The following CIITA variants were observed in gnomAD, a reference collection of about 807,000 sequenced individuals.
CIITA encodes the protein class II major histocompatibility complex transactivator, also known as MHC class II transactivator.
CIITA carries 72 observed loss-of-function variants against 115.1 expected under a neutral mutation model. The ratio of observed to expected loss-of-function variants is 0.63; its 90% confidence interval spans 0.52 to 0.76. The LOEUF (loss-of-function observed/expected upper bound fraction) is 0.76, where lower values mean the gene tolerates loss of function less well. CIITA is among the 30% of genes least tolerant of loss of function. The pLI, the probability that CIITA is intolerant of heterozygous loss-of-function variation, is 0.00. For missense variants in CIITA, 1,617 were observed against 1,463.8 expected, an observed-to-expected ratio of 1.10 and a Z score of -1.71; for synonymous variants, 763 against 635.6, an observed-to-expected ratio of 1.20 and a Z score of -3.02.
chr16:10,900,624 C>G (rs1055439382), intron 5 of CIITA, among the ~76,000 whole-genome samples: 2 of 151,932 alleles, frequency 1.3e-5, no homozygotes, highest in Admixed American at 6.6e-5. Flanking sequence ...CCTGTAATCC[C>G]AGCTACCAGG....
chr16:10,898,770 T>C, intron 4 of CIITA, 38 bp downstream of exon 4: 1 of 1,610,244 alleles, frequency 6.2e-7, no homozygotes, highest in Non-Finnish European at 8.5e-7. Flanking sequence ...TGGCTCAGCC[T>C]GCATTTCCTG....
At chr16:10,884,803 CTGCTCCTTCTCTG>C (rs1003789709) in intron 1 of CIITA, among the ~76,000 whole-genome samples, 6 of 152,186 alleles carry the variant, frequency 3.9e-5, no homozygotes, top group Non-Finnish European at 8.8e-5. Context: ...TTAGTGCTTC[CTGCTCCTTCTCTG>C]TGTGGAACTG....
chr16:10,941,455 G>C lies in CIITA; in HGVS notation n.581G>C. On this transcript the variant is annotated non_coding_transcript_exon_variant, in exon 2 of 2. Coordinates refer to the CIITA transcript ENST00000573379. The surrounding 1 kb of genome is among the most constrained non-coding windows in gnomAD (Gnocchi z 6.4). ...TTCCTGGCATCCAGTTAGACCTGGA[G>C]GAGGTGAACGGAGGAGAAGCCTGAG... 1 of 1,069,310 alleles carries C rather than the reference G, an allele frequency of 9.4e-7. No individual in the cohort carries two copies. Among genetic ancestry groups the C allele is most frequent in the Non-Finnish European group, 1.2e-6 (1 of 816,790 alleles). The allele number at this position is 1,069,310 out of a possible 1,614,324, so 66.2% of individuals were successfully genotyped here. A position where few individuals can be genotyped will look rare whatever the true frequency, so the allele number is the denominator to read the frequency against.
chr16:10,933,694 C>A lies in CIITA; in HGVS notation c.*9839C>A, dbSNP rs1275336678. ...GGTAGAAACCAATACCGGCAGGGAACCTTCTCAAGGCTAGGGGCCTTCTGA... is the reference window on the plus strand; with the variant it reads ...GGTAGAAACCAATACCGGCAGGGAAACTTCTCAAGGCTAGGGGCCTTCTGA... On this transcript the variant is annotated 3_prime_UTR_variant, in exon 20 of 20. Coordinates refer to ENST00000324288, the MANE Select transcript of CIITA (RefSeq NM_000246.4). 1.3e-5 allele frequency: 2 copies of A among 152,346 alleles called. No homozygotes were observed. Among genetic ancestry groups the A allele is most frequent in the East Asian group, 1.9e-4 (1 of 5,202 alleles). The allele number at this position is 152,346 out of a possible 1,614,324, so 9.4% of individuals were successfully genotyped here.
chr16:10,892,740 G>A (rs1013864454), intron 1 of CIITA, among the ~76,000 whole-genome samples: 2 of 152,044 alleles, frequency 1.3e-5, no homozygotes, highest in Non-Finnish European at 2.9e-5. Flanking sequence ...CAAGACCAGC[G>A]TGGCCAACAT....
intron 1 of CIITA, among the ~76,000 whole-genome samples, chr16:10,878,108 A>G (rs530965664): frequency 2.0e-5 from 3 of 152,272 alleles, no homozygotes; most frequent in Admixed American, 1.3e-4. Flanking sequence ...ACAGTGTCCA[A>G]TATTTTATAG....
At position 10,942,043 on chromosome 16, in the gene CIITA, CG is replaced by C; in HGVS notation, n.1170del. On this transcript the variant is annotated non_coding_transcript_exon_variant, in exon 2 of 2. Coordinates refer to the CIITA transcript ENST00000573379. The surrounding 1 kb of genome is among the most constrained non-coding windows in gnomAD (Gnocchi z 5.0). ...AAGGGCGGCGGCCCGGCGATCCCGGCGAACTCAGCCGCTGCGGCGCCCGGGC... is the reference window on the plus strand; with the variant it reads ...AAGGGCGGCGGCCCGGCGATCCCGGCAACTCAGCCGCTGCGGCGCCCGGGC... 10 of 1,350,078 alleles carry C rather than the reference CG, an allele frequency of 7.4e-6. No individual in the cohort carries two copies. The highest frequency in any genetic ancestry group is 9.5e-6 in the Non-Finnish European group (10 of 1,054,228). The allele number at this position is 1,350,078 out of a possible 1,614,324, so 83.6% of individuals were successfully genotyped here.
At chr16:10,911,839 C>T (rs1023435021) in intron 13 of CIITA, among the ~76,000 whole-genome samples, 1 of 152,138 alleles carries the variant, frequency 6.6e-6, no homozygotes, top group East Asian at 1.9e-4. Flanking sequence ...GTGCGAGCTC[C>T]CGCACCTGGC....
chr16:10,867,931 T>A (rs549307319), intron 1 of CIITA, among the ~76,000 whole-genome samples: 34 of 152,070 alleles, frequency 2.2e-4, no homozygotes, highest in South Asian at 8.3e-4. Flanking sequence ...AATTTTTTTT[T>A]AATTATTTTT....
chr16:10,937,032 G>C (rs949773214), downstream of CIITA: 1 of 152,244 alleles, frequency 6.6e-6, no homozygotes, highest in African/African-American at 2.4e-5. This position sits in a 1 kb window ranked among gnomAD's most constrained non-coding sequence, Gnocchi z 4.2. Flanking sequence ...TTTCTTGGCT[G>C]AAATCTCCAG....
chr16:10,891,844 C>A (rs2037615966), intron 1 of CIITA, among the ~76,000 whole-genome samples: 1 of 152,196 alleles, frequency 6.6e-6, no homozygotes, highest in African/African-American at 2.4e-5. Context: ...TTCCTCTAGT[C>A]ATGGTTGGCT....
rs376456953 is a variant in CIITA at position 10,907,970 on chromosome 16, A to G, written c.2478A>G (p.Val826=). The G allele has an allele frequency of 1.2e-4, 186 of 1,579,952 alleles. No homozygotes were observed. The highest frequency in any genetic ancestry group is 1.5e-4 in the Non-Finnish European group (177 of 1,162,006). Residue 826 remains valine (V), a synonymous_variant, in exon 11 of 20, where the codon GTA becomes GTG. Coordinates refer to ENST00000324288, the MANE Select transcript of CIITA (RefSeq NM_000246.4). This position sits in a 1 kb window ranked among gnomAD's most constrained non-coding sequence, Gnocchi z 5.0. ...AGGCTGGAATTTGGCAGCACGTGGTACAGGAGCTCCCCGGCCGCCTCTCTT... is the reference window on the plus strand; with the variant it reads ...AGGCTGGAATTTGGCAGCACGTGGTGCAGGAGCTCCCCGGCCGCCTCTCTT... ...AEEAGIWQHV[V]QELPGRLSFL...
chr16:10,902,072 A>T lies in CIITA; in HGVS notation c.516A>T (p.Leu172=). ...CCACTGTGGTGACTGGCAGTCTCCT[A>T]GTGGGACCAGTGAGCGACTGCTCCA... ...EPPTVVTGSL[L]VGPVSDCSTL... is the part of the protein sequence containing the mutation. Residue 172 remains leucine, a synonymous_variant, in exon 7 of 20, where the codon CTA becomes CTT. Transcript: ENST00000324288. 6.2e-7 allele frequency: 1 copy of T among 1,614,132 alleles called. No individual in the cohort carries two copies. The highest frequency in any genetic ancestry group is 1.1e-5 in the South Asian group (1 of 91,084).
intron 16 of CIITA, 93 bp from the exon 17 acceptor site, chr16:10,922,074 C>T: frequency 2.6e-6 from 3 of 1,135,552 alleles, no homozygotes; most frequent in South Asian, 2.5e-5. Flanking sequence ...GATAGTGGGA[C>T]CAGGCTTTTT....
Position 10,907,175 on chromosome 16 carries a change from C to G in CIITA, c.1683C>G (p.Asp561Glu). 1.2e-6 allele frequency: 2 copies of G among 1,613,352 alleles called. No individual in the cohort carries two copies. The highest frequency in any genetic ancestry group is 1.7e-6 in the Non-Finnish European group (2 of 1,179,916). The change falls in exon 11 of 20, where the codon GAC (aspartate) becomes GAG (glutamate). Residue 561 changes from aspartate (D) to glutamate (E), a missense_variant. Transcript: ENST00000324288. This position sits in a 1 kb window ranked among gnomAD's most constrained non-coding sequence, Gnocchi z 5.0. Reference sequence around the variant, plus strand: ...TGGTCCAGAGCCTGAGCAAGGCCGACGCCCTATTTGAGCTGTCCGGCTTCT... The same window carrying G: ...TGGTCCAGAGCCTGAGCAAGGCCGAGGCCCTATTTGAGCTGTCCGGCTTCT... ...GRLVQSLSKA[D>E]ALFELSGFSM...
At chr16:10,900,946 T>C (rs12920545) in intron 5 of CIITA, among the ~76,000 whole-genome samples, 16,872 of 152,210 alleles carry the variant, frequency 0.11, 1,073 homozygotes, top group Non-Finnish European at 0.14. Context: ...ACATTTCAAA[T>C]GTAAATTGCA....
intron 14 of CIITA, among the ~76,000 whole-genome samples, 158 bp downstream of exon 14, chr16:10,915,808 T>C (rs1359394094): frequency 6.6e-6 from 1 of 152,204 alleles, no homozygotes; most frequent in Non-Finnish European, 1.5e-5. Context: ...CCCAGCAACC[T>C]CTGGGTTTTG....
Position 10,902,786 on chromosome 16 carries a change from A to G in CIITA, c.757A>G (p.Ile253Val). ...TGAGGCTGGAACAGGGGTCTCCAGT[A>G]TATTCATCTACCATGGTGAGTGCGG... ...ISEAGTGVSSIFIYHGEVPQA... is the reference protein window; with the variant it reads ...ISEAGTGVSSVFIYHGEVPQA... The change falls in exon 8 of 20, where the codon ATA (isoleucine) becomes GTA (valine). Residue 253 changes from isoleucine to valine, a missense_variant. Coordinates refer to ENST00000324288, the MANE Select transcript of CIITA (RefSeq NM_000246.4). 3 of 1,614,150 alleles carry G rather than the reference A, an allele frequency of 1.9e-6. No individual in the cohort carries two copies. The highest frequency in any genetic ancestry group is 2.5e-6 in the Non-Finnish European group (3 of 1,180,018).
At chr16:10,886,179 C>A (rs1020443229) in intron 1 of CIITA, among the ~76,000 whole-genome samples, 2 of 151,742 alleles carry the variant, frequency 1.3e-5, no homozygotes, top group African/African-American at 4.8e-5. Flanking sequence ...CTCAGGTGAT[C>A]CACCCGCCTC....
Sources: gnomAD v4.1 joint callset for allele counts (sites outside exome capture counted in the v4.1 genomes callset) on GRCh38, gnomAD v4.1.1 for gene constraint, Gnocchi (gnomAD v3.1) non-coding constraint, MANE v1.5 for transcripts, NCBI Gene and HGNC (gene_info 2026-07-23, HGNC 2026-07-21) for gene names.